Variants in UBXN6 observed in about 807,000 individuals in gnomAD.
UBXN6 encodes UBX domain-containing protein 6.
Under a neutral mutation model 51.4 loss-of-function variants are expected in UBXN6, and 44 were observed. That is an observed-to-expected ratio of 0.86 (90% confidence interval 0.67 to 1.10). The LOEUF is 1.10. Ranked by LOEUF, UBXN6 falls within the 50% of genes least tolerant of loss-of-function variation. UBXN6 has a pLI of 0.00. For synonymous variants in UBXN6, 316 were observed against 263.2 expected (o/e 1.20, Z -1.94); for missense variants, 672 against 596.1 (o/e 1.13, Z -1.32).
Position 4,446,186 on chromosome 19 carries a change from C to A in UBXN6, c.1063G>T (p.Ala355Ser), listed in dbSNP as rs368753562. 1.2e-6 allele frequency: 2 copies of A among 1,605,158 alleles called. No homozygotes were observed. Among genetic ancestry groups the A allele is most frequent in the Admixed American group, 1.7e-5 (1 of 59,286 alleles). The change falls in exon 10 of 11, where the codon GCT (alanine) becomes TCT (serine). Residue 355 changes from alanine (A) to serine (S), a missense_variant. Coordinates refer to ENST00000301281, the MANE Select transcript of UBXN6 (RefSeq NM_025241.3). ...TACACCGCCCCCAGCCGCTCCCGAG[C>A]GTAGAAAGTGCCTGGGGAGTGGGGG... ...DGCLLQGTFY[A>S]RERLGAVYGF... is the part of the protein sequence containing the mutation.
chr19:4,451,574 G>T (rs534866083), intron 4 of UBXN6, among the ~76,000 whole-genome samples: 1 of 152,096 alleles, frequency 6.6e-6, no homozygotes, highest in Non-Finnish European at 1.5e-5. Flanking sequence ...GGCTAAAGCC[G>T]AAGTTTCTGA....
intron 4 of UBXN6, among the ~76,000 whole-genome samples, chr19:4,451,708 G>C (rs1246744253): frequency 6.6e-6 from 1 of 151,636 alleles, no homozygotes; most frequent in East Asian, 2.0e-4. Context: ...CGCTATCTCG[G>C]CTCACCACAA....
chr19:4,447,476 GGCCACCACCGGCTCCTGCAGGCCAGCT>G, intron 6 of UBXN6, 47 bp downstream of exon 6: 1 of 1,551,554 alleles, frequency 6.4e-7, no homozygotes, highest in East Asian at 2.2e-5. Flanking sequence ...GCCTGGTGTG[GGCCACCACCGGCTCCTGCAGGCCAGCT>G]GCCCCCACCC....
chr19:4,448,530 C>T, intron 4 of UBXN6, 115 bp from the exon 5 acceptor site: 1 of 822,964 alleles, frequency 1.2e-6, no homozygotes, highest in Non-Finnish European at 2.0e-6. Context: ...TGGAGCGGCC[C>T]CAGCTGTGCG....
intron 4 of UBXN6, 22 bp downstream of exon 4, chr19:4,452,342 G>T: frequency 6.2e-7 from 1 of 1,610,828 alleles, no homozygotes; most frequent in South Asian, 1.1e-5. Flanking sequence ...GTTGGGGCAG[G>T]AGCACACAGG....
At chr19:4,451,404 G>A (rs1974652027) in intron 4 of UBXN6, among the ~76,000 whole-genome samples, 1 of 152,196 alleles carries the variant, frequency 6.6e-6, no homozygotes, top group Admixed American at 6.5e-5. Context: ...CCAGGCTGGT[G>A]TGCAGTGGCA....
chr19:4,451,381 T>C (rs1366214907), intron 4 of UBXN6, among the ~76,000 whole-genome samples: 1 of 152,052 alleles, frequency 6.6e-6, no homozygotes, highest in East Asian at 1.9e-4. Context: ...TGAGAAAGGG[T>C]CTCACTTGTC....
rs138897797 is a variant in UBXN6 at position 4,454,009 on chromosome 19, G to A, written c.168C>T (p.Ala56=). 31 of 1,607,330 alleles carry A rather than the reference G, an allele frequency of 1.9e-5. No individual in the cohort carries two copies. Among genetic ancestry groups the A allele is most frequent in the Middle Eastern group, 1.6e-4 (1 of 6,068 alleles). ...GCTCCAGCCGGGCTAGGGCGGCAGCGGCTGCCATCTGTGCCTCATTGGTGG... is the reference window on the plus strand; with the variant it reads ...GCTCCAGCCGGGCTAGGGCGGCAGCAGCTGCCATCTGTGCCTCATTGGTGG... The part of the protein sequence containing the change: ...QGPTNEAQMA[A]AAALARLEQK... Residue 56 remains alanine, a synonymous_variant, in exon 2 of 11, where the codon GCC becomes GCT. Transcript: ENST00000301281.
In UBXN6 at chr19:4,445,112, A is replaced by G; in HGVS notation, c.*386T>C. The G allele has an allele frequency of 4.5e-6, 1 of 222,994 alleles. No individual in the cohort carries two copies. The highest frequency in any genetic ancestry group is 9.0e-6 in the Non-Finnish European group (1 of 110,996). 13.8% of individuals were successfully genotyped at this position (222,994 alleles called of 1,614,324 possible). A position where few individuals can be genotyped will look rare whatever the true frequency, so the allele number is the denominator to read the frequency against. On this transcript the variant is annotated 3_prime_UTR_variant, in exon 11 of 11. Coordinates refer to ENST00000301281, the MANE Select transcript of UBXN6 (RefSeq NM_025241.3). ...CCGTTGTCACCCACATCCACAGAGC[A>G]GCCCTAGTGCCAGGTGCAGCCACTG...
intron 9 of UBXN6, 29 bp downstream of exon 9, chr19:4,446,254 C>T (rs1286131182): frequency 6.4e-6 from 10 of 1,568,974 alleles, no homozygotes; most frequent in East Asian, 2.3e-5. Context: ...CAACCCGAGC[C>T]GCCCTCCACG....
In UBXN6 at chr19:4,445,446, C is replaced by T. The variant is rs1974485916; in HGVS notation, c.*52G>A. 2.5e-6 allele frequency: 4 copies of T among 1,609,548 alleles called. No homozygotes were observed. The highest frequency in any genetic ancestry group is 1.7e-6 in the Non-Finnish European group (2 of 1,177,422). On this transcript the variant is annotated 3_prime_UTR_variant, in exon 11 of 11. Transcript: ENST00000301281. ...GGCCCTGGGGTGGCGGGGAGAGGAA[C>T]AGGGAGAGCATGAGACAGACCCACA...
chr19:4,447,801 C>T, intron 5 of UBXN6, 176 bp from the exon 6 acceptor site: 2 of 645,470 alleles, frequency 3.1e-6, no homozygotes, highest in East Asian at 2.8e-5. Context: ...ACACCTCGGA[C>T]ACCCCATGGA....
chr19:4,445,609 GAGGGCAGAGGGCACCTGCGGT>G lies in UBXN6; in HGVS notation c.1201-7_1214del. On this transcript the variant is annotated splice_acceptor_variant and splice_polypyrimidine_tract_variant and coding_sequence_variant and intron_variant, in exon 11 of 11. Coordinates refer to ENST00000301281, the MANE Select transcript of UBXN6 (RefSeq NM_025241.3). LOFTEE classifies it high-confidence loss of function. ...CAGCCATGTCCCACGAGAAGGTCAG[GAGGGCAGAGGGCACCTGCGGT>G]AGGGGTAGGCCGTCACTCTGAGACC... 1 of 1,613,278 alleles carries G rather than the reference GAGGGCAGAGGGCACCTGCGGT, an allele frequency of 6.2e-7. No homozygotes were observed. Among genetic ancestry groups the G allele is most frequent in the African/African-American group, 1.3e-5 (1 of 75,052 alleles).
Position 4,446,188 on chromosome 19 carries a change from T to C in UBXN6, c.1061A>G (p.Tyr354Cys), listed in dbSNP as rs764273610. The C allele has an allele frequency of 4.6e-5, 74 of 1,604,536 alleles. No individual in the cohort carries two copies. The highest frequency in any genetic ancestry group is 6.0e-5 in the Non-Finnish European group (71 of 1,177,836). Residue 354 changes from tyrosine (Y) to cysteine (C), a missense_variant, in exon 10 of 11, where the codon TAC (tyrosine) becomes TGC (cysteine). Physicochemically the swap from Tyr to Cys is radical, Grantham distance 194. Transcript: ENST00000301281. ...PDGCLLQGTFYARERLGAVYG... is the reference protein window; with the variant it reads ...PDGCLLQGTFCARERLGAVYG... ...CACCGCCCCCAGCCGCTCCCGAGCG[T>C]AGAAAGTGCCTGGGGAGTGGGGGAG...
chr19:4,447,484 C>T, intron 6 of UBXN6, 66 bp downstream of exon 6: 2 of 1,579,000 alleles, frequency 1.3e-6, no homozygotes, highest in Admixed American at 3.3e-5. Flanking sequence ...TGGGCCACCA[C>T]CGGCTCCTGC....
At position 4,446,731 on chromosome 19, in the gene UBXN6, C is replaced by T. The variant is rs1246051770; in HGVS notation, c.701-12G>A. On this transcript the variant is annotated splice_polypyrimidine_tract_variant and intron_variant, in intron 7 of 10. Coordinates refer to ENST00000301281, the MANE Select transcript of UBXN6 (RefSeq NM_025241.3). ...CTCCTCGGGGTCCTCTACAGCGTGGCAGGACATGGGTGTCACTGTGCAATG... is the reference window on the plus strand; with the variant it reads ...CTCCTCGGGGTCCTCTACAGCGTGGTAGGACATGGGTGTCACTGTGCAATG... The T allele has an allele frequency of 1.7e-5, 28 of 1,608,076 alleles. No individual in the cohort carries two copies. The Admixed American group carries it at 4.2e-4, about 24-fold the overall frequency.
chr19:4,446,749 G>A (rs375597089), intron 7 of UBXN6, 30 bp from the exon 8 acceptor site: 2 of 1,610,660 alleles, frequency 1.2e-6, no homozygotes, highest in Non-Finnish European at 1.7e-6. Flanking sequence ...GGGTGTCACT[G>A]TGCAATGGAG....
In UBXN6 at chr19:4,446,849, G is replaced by A. The variant is rs747169318; in HGVS notation, c.687C>T (p.Pro229=). 3.0e-5 allele frequency: 48 copies of A among 1,613,920 alleles called. No individual in the cohort carries two copies. Among genetic ancestry groups the A allele is most frequent in the South Asian group, 2.7e-4 (25 of 91,092 alleles). ...EAIGFQKVLL[P]AQDQEDPEEF... ...CTGTCCACTTACCCTGATCCTGGGC[G>A]GGAAGCAACACCTTCTGGAACCCAA... Residue 229 remains proline (P), a synonymous_variant, in exon 7 of 11, where the codon CCC becomes CCT. Coordinates refer to ENST00000301281, the MANE Select transcript of UBXN6 (RefSeq NM_025241.3).
intron 1 of UBXN6, chr19:4,455,046 C>T (rs544427368): frequency 2.9e-4 from 64 of 221,622 alleles, no homozygotes; most frequent in South Asian, 4.8e-4. Flanking sequence ...TGTGCAAGTA[C>T]GAAGAGCTCA....
Sources: gnomAD v4.1 joint callset for allele counts (sites outside exome capture counted in the v4.1 genomes callset) on GRCh38, gnomAD v4.1.1 for gene constraint, MANE v1.5 for transcripts, NCBI Gene and HGNC (gene_info 2026-07-23, HGNC 2026-07-21) for gene names.